SLC39A8: variants seen among roughly 807,000 people sequenced by gnomAD.
SLC39A8 encodes the protein metal cation symporter ZIP8.
A neutral mutation model predicts 40.4 loss-of-function variants in SLC39A8; 15 were observed. That is an observed-to-expected ratio of 0.37 (90% confidence interval 0.25 to 0.57). The LOEUF (loss-of-function observed/expected upper bound fraction) is 0.57. Among genes scored for constraint, SLC39A8 ranks in the 20% least tolerant of loss-of-function variants. The probability of loss-of-function intolerance (pLI) is 0.75; values close to 1 mark genes in which losing one functional copy is unlikely to be tolerated. For synonymous variants in SLC39A8, 223 were observed against 221.6 expected (o/e 1.01, Z -0.06); for missense variants, 472 against 558.8 (o/e 0.84, Z 1.57).
At chr4:102,322,192 T>C (rs1734995090) in intron 2 of SLC39A8, among the ~76,000 whole-genome samples, 1 of 152,172 alleles carries the variant, frequency 6.6e-6, no homozygotes, top group Non-Finnish European at 1.5e-5. Flanking sequence ...AGTCCTGCTG[T>C]GAGTCTGGGG....
At chr4:102,291,425 C>T (rs1733435991) in intron 6 of SLC39A8, among the ~76,000 whole-genome samples, 1 of 152,006 alleles carries the variant, frequency 6.6e-6, no homozygotes, top group South Asian at 2.1e-4. Context: ...TCCCAATCTC[C>T]TCTTTCTTGA....
exon 12 of SLC39A8, chr4:102,252,581 A>G (rs1198064933): frequency 1.3e-5 from 2 of 152,140 alleles, no homozygotes; most frequent in East Asian, 3.9e-4. Flanking sequence ...AGGAAAAGTG[A>G]TTATTACACA....
chr4:102,262,390 T>G lies in SLC39A8; in HGVS notation c.*654A>C. ...TGAAGTTTATACTTAGCGATAAGCC[T>G]CTAAGCCTGAACTTAGCAGGGCTAG... On this transcript the variant is annotated 3_prime_UTR_variant, in exon 9 of 9. Transcript: ENST00000356736. 5.1e-6 allele frequency: 5 copies of G among 985,506 alleles called. No homozygotes were observed. The highest frequency in any genetic ancestry group is 6.0e-6 in the Non-Finnish European group (5 of 829,906). 61.0% of individuals were successfully genotyped at this position (985,506 alleles called of 1,614,324 possible).
downstream of SLC39A8, chr4:102,259,582 C>T: frequency 8.1e-7 from 1 of 1,241,348 alleles, no homozygotes; most frequent in Non-Finnish European, 1.1e-6. Context: ...GTGATGTGCT[C>T]AAACTGTAAA....
At chr4:102,306,661 A>C (rs1404096456) in intron 4 of SLC39A8, among the ~76,000 whole-genome samples, 1 of 151,952 alleles carries the variant, frequency 6.6e-6, no homozygotes, top group Admixed American at 6.6e-5. Context: ...TGTGGGTGGC[A>C]GATACAGTCC....
rs555145341 is a variant in SLC39A8 at position 102,294,524 on chromosome 4, A to G, written c.840+9793T>C. Among the ~76,000 whole-genome samples, 6 of 152,202 alleles carry G rather than the reference A, an allele frequency of 3.9e-5. No individual in the cohort carries two copies. In the East Asian group the frequency reaches 5.8e-4, roughly 15 times the overall value. On this transcript the variant is annotated intron_variant, in intron 6 of 8. Transcript: ENST00000356736. The stretch of plus-strand genomic sequence containing the variant: ...AGCAAGAATTCCATTAAATTGGTTT[A>G]GTAGGAATCCCCCTACCCTTGATGT...
Position 102,345,022 on chromosome 4 carries a change from A to C in SLC39A8, c.-253-107T>G, listed in dbSNP as rs113640925. ...GTAGCCCTCAAACGCCCGGCCGGGC[A>C]TGGGGCCAGACGCCCCGGATCCGGG... On this transcript the variant is annotated intron_variant, in intron 1 of 8. Coordinates refer to ENST00000356736, the MANE Select transcript of SLC39A8 (RefSeq NM_001135146.2). 2,835 of 619,750 alleles carry C rather than the reference A, an allele frequency of 4.6e-3. 65 individuals carry two copies. In the African/African-American group the frequency reaches 0.05, roughly 11 times the overall value. The allele number at this position is 619,750 out of a possible 1,614,324, so 38.4% of individuals were successfully genotyped here.
At chr4:102,268,847 A>T (rs761480252) in intron 6 of SLC39A8, among the ~76,000 whole-genome samples, 1 of 152,266 alleles carries the variant, frequency 6.6e-6, no homozygotes, top group South Asian at 2.1e-4. Context: ...AGATTTCCAG[A>T]AAATTTACAA....
chr4:102,325,960 T>G (rs1714302930), intron 2 of SLC39A8, among the ~76,000 whole-genome samples: 1 of 152,188 alleles, frequency 6.6e-6, no homozygotes, highest in South Asian at 2.1e-4. Flanking sequence ...CATATTCAGC[T>G]TTTCGAGGTC....
intron 3 of SLC39A8, among the ~76,000 whole-genome samples, chr4:102,311,748 CCT>C (rs1734435424): frequency 6.6e-6 from 1 of 151,846 alleles, no homozygotes; most frequent in Non-Finnish European, 1.5e-5. Flanking sequence ...AAATGTGAGG[CCT>C]CTGAGAAATT....
At chr4:102,324,316 A>G in intron 2 of SLC39A8, 2 of 262,370 alleles carry the variant, frequency 7.6e-6, no homozygotes, top group South Asian at 3.2e-5. Flanking sequence ...AATCGCTTGA[A>G]CCCAGAAGGC....
intron 2 of SLC39A8, among the ~76,000 whole-genome samples, chr4:102,340,052 CATTATA>C (rs1004752796): frequency 4.7e-4 from 71 of 152,240 alleles, no homozygotes; most frequent in African/African-American, 1.6e-3. Context: ...CTGTTTCGTG[CATTATA>C]ATTATATGTG....
chr4:102,266,424 A>T (rs566933265), intron 8 of SLC39A8, among the ~76,000 whole-genome samples: 1 of 152,330 alleles, frequency 6.6e-6, no homozygotes, highest in East Asian at 1.9e-4. Flanking sequence ...CTAGACAAAT[A>T]TAATTTGGAG....
downstream of SLC39A8, among the ~76,000 whole-genome samples, chr4:102,259,894 A>AG (rs1731800834): frequency 6.6e-6 from 1 of 152,210 alleles, no homozygotes; most frequent in South Asian, 2.1e-4. Flanking sequence ...AGTAATCAGA[A>AG]GAGCTTTAAA....
downstream of SLC39A8, among the ~76,000 whole-genome samples, chr4:102,260,892 T>G (rs1731830349): frequency 1.3e-5 from 2 of 152,032 alleles, no homozygotes; most frequent in Non-Finnish European, 2.9e-5. Flanking sequence ...GTATTTAGAG[T>G]CTTCAGTTTA....
At chr4:102,254,902 T>C (rs1236587463) in intron 11 of SLC39A8, among the ~76,000 whole-genome samples, 1 of 152,184 alleles carries the variant, frequency 6.6e-6, no homozygotes, top group Non-Finnish European at 1.5e-5. Flanking sequence ...AACTTTTCAG[T>C]GGCATCAAAT....
chr4:102,309,954 T>C (rs559378663), intron 3 of SLC39A8, among the ~76,000 whole-genome samples: 92 of 152,148 alleles, frequency 6.0e-4, no homozygotes, highest in Non-Finnish European at 1.1e-3. Flanking sequence ...TCATCTTATA[T>C]AACATGACAG....
At chr4:102,326,804 A>G (rs1039887592) in intron 2 of SLC39A8, among the ~76,000 whole-genome samples, 1 of 152,092 alleles carries the variant, frequency 6.6e-6, no homozygotes, top group Non-Finnish European at 1.5e-5. Context: ...CTTATGTACC[A>G]CTTCACTGAG....
At chr4:102,307,705 G>T in intron 3 of SLC39A8, 100 bp from the exon 4 acceptor site, 1 of 1,178,370 alleles carries the variant, frequency 8.5e-7, no homozygotes, top group Non-Finnish European at 1.2e-6. Flanking sequence ...AAAAGCTTAA[G>T]ACACATATCT....
Sources: gnomAD v4.1 joint callset for allele counts (sites outside exome capture counted in the v4.1 genomes callset) on GRCh38, gnomAD v4.1.1 for gene constraint, MANE v1.5 for transcripts, NCBI Gene and HGNC (gene_info 2026-07-23, HGNC 2026-07-21) for gene names.